The following RNF17 variants were observed in gnomAD, a reference collection of about 807,000 sequenced individuals.
RNF17 encodes spermatogenesis associated 23.
Under a neutral mutation model 200.5 loss-of-function variants are expected in RNF17, and 31 were observed. The ratio of observed to expected loss-of-function variants is 0.15; its 90% CI spans 0.12 to 0.21. The LOEUF (loss-of-function observed/expected upper bound fraction) is 0.21, where lower values mean the gene tolerates loss of function less well. RNF17 is among the 10% of genes least tolerant of loss of function. The pLI is 1.00. For missense variants in RNF17, 1,628 were observed against 1,905.1 expected (o/e 0.85, Z 2.71); for synonymous variants, 606 against 637.8 (o/e 0.95, Z 0.75).
chr13:24,770,408 TA>T (rs1301900337), intron 2 of RNF17, among the ~76,000 whole-genome samples: 5 of 152,190 alleles, frequency 3.3e-5, no homozygotes, highest in African/African-American at 1.2e-4. Context: ...TAAAATCTTT[TA>T]AATTAGTTGT....
intron 6 of RNF17, among the ~76,000 whole-genome samples, chr13:24,787,501 G>A (rs1883271922): frequency 6.6e-6 from 1 of 152,132 alleles, no homozygotes; most frequent in Admixed American, 6.5e-5. Flanking sequence ...GGTTGTGTGT[G>A]CCCTGAGCCT....
intron 15 of RNF17, among the ~76,000 whole-genome samples, chr13:24,816,680 C>T (rs1489316690): frequency 6.6e-6 from 1 of 152,202 alleles, no homozygotes; most frequent in Non-Finnish European, 1.5e-5. Flanking sequence ...CTGTGTCTCA[C>T]CTGACTGACA....
chr13:24,778,181 G>C (rs1881834492), intron 3 of RNF17, 114 bp from the exon 4 acceptor site: 4 of 650,304 alleles, frequency 6.2e-6, no homozygotes, highest in East Asian at 2.9e-5. Flanking sequence ...ATGATCGCTG[G>C]AGCCTGGGAA....
downstream of RNF17, chr13:24,884,321 A>G: frequency 6.2e-7 from 1 of 1,614,106 alleles, no homozygotes; most frequent in Non-Finnish European, 8.5e-7. Flanking sequence ...CTGGAAACAT[A>G]CCACTCTTTG....
chr13:24,871,464 A>G (rs1894241031), intron 32 of RNF17, among the ~76,000 whole-genome samples: 2 of 152,022 alleles, frequency 1.3e-5, no homozygotes, highest in East Asian at 1.9e-4. Flanking sequence ...CAGCCTCCCA[A>G]GTAGTTGGGA....
In RNF17 at chr13:24,870,664, G is replaced by A. The variant is rs772000992; in HGVS notation, c.4372G>A (p.Glu1458Lys). The A allele has an allele frequency of 2.5e-6, 4 of 1,614,166 alleles. No individual in the cohort carries two copies. The highest frequency in any genetic ancestry group is 2.2e-5 in the East Asian group (1 of 44,892). The change falls in exon 32 of 36, where the codon GAG becomes AAG. Residue 1458 changes from glutamate (E) to lysine (K), a missense_variant. This residue lies in a region of RNF17 where 609 missense variants were observed against 681.9 expected (regional missense o/e 0.89). Coordinates refer to ENST00000255324, the MANE Select transcript of RNF17 (RefSeq NM_031277.3). ...TGGAGTCAGCGGGGAATCAGAATCC[G>A]AGAGCCTTGATGAAGCACTGCAGAG... ...DSGVSGESESESLDEALQRVN... is the reference protein window; with the variant it reads ...DSGVSGESESKSLDEALQRVN...
chr13:24,864,605 A>G (rs1893436487), intron 28 of RNF17, among the ~76,000 whole-genome samples: 1 of 152,186 alleles, frequency 6.6e-6, no homozygotes, highest in South Asian at 2.1e-4. Flanking sequence ...GTATTTGGGA[A>G]TTGGAATTAT....
At chr13:24,853,006 T>C (rs1164021971) in intron 24 of RNF17, among the ~76,000 whole-genome samples, 6 of 152,216 alleles carry the variant, frequency 3.9e-5, no homozygotes, top group African/African-American at 1.2e-4. Context: ...CTCTGGCTCC[T>C]GGGTTCAAGC....
upstream of RNF17, among the ~76,000 whole-genome samples, chr13:24,759,230 G>C (rs142156304): frequency 9.1e-4 from 139 of 152,218 alleles, no homozygotes; most frequent in African/African-American, 3.2e-3. Flanking sequence ...AAGAGGTCAA[G>C]ACTGTAACTT....
At chr13:24,872,008 G>T (rs1358504513) in intron 32 of RNF17, among the ~76,000 whole-genome samples, 3 of 103,068 alleles carry the variant, frequency 2.9e-5, no homozygotes, top group Admixed American at 2.9e-4. Flanking sequence ...CACTCTTGTT[G>T]CCCAGGCTGG....
chr13:24,851,613 G>C (rs1273701706), intron 24 of RNF17, 42 bp downstream of exon 24: 1 of 1,189,152 alleles, frequency 8.4e-7, no homozygotes, highest in Non-Finnish European at 1.2e-6. Flanking sequence ...GTTTGTGATG[G>C]ATGCCTCAGT....
At chr13:24,804,016 A>G (rs973998428) in intron 14 of RNF17, 6 of 348,518 alleles carry the variant, frequency 1.7e-5, no homozygotes, top group African/African-American at 1.3e-4. Flanking sequence ...TTACACTTGT[A>G]TCCCAGCACT....
intron 12 of RNF17, among the ~76,000 whole-genome samples, chr13:24,799,891 A>G (rs1885036553): frequency 6.6e-6 from 1 of 152,176 alleles, no homozygotes; most frequent in Non-Finnish European, 1.5e-5. Flanking sequence ...CAGATGATTG[A>G]GTTAAATTTT....
intron 4 of RNF17, 57 bp downstream of exon 4, chr13:24,778,463 A>G: frequency 9.1e-7 from 1 of 1,096,864 alleles, no homozygotes. Context: ...CTTTGTCTCT[A>G]GTAGCTCAAC....
chr13:24,864,240 G>A (rs1297581951), intron 28 of RNF17, among the ~76,000 whole-genome samples: 1 of 152,180 alleles, frequency 6.6e-6, no homozygotes, highest in Non-Finnish European at 1.5e-5. Context: ...GGACTGCATT[G>A]GCAGAAGAGG....
intron 16 of RNF17, among the ~76,000 whole-genome samples, 166 bp from the exon 17 acceptor site, chr13:24,830,318 T>A (rs140285334): frequency 7.2e-5 from 11 of 152,302 alleles, no homozygotes; most frequent in Admixed American, 7.2e-4. Flanking sequence ...GCACTATGGA[T>A]GATTTCGGGG....
At chr13:24,856,543 G>A (rs1277803136) in intron 25 of RNF17, among the ~76,000 whole-genome samples, 1 of 151,902 alleles carries the variant, frequency 6.6e-6, no homozygotes, top group East Asian at 1.9e-4. Flanking sequence ...TCCCAGAATT[G>A]ATTTTTCAGT....
intron 19 of RNF17, among the ~76,000 whole-genome samples, chr13:24,843,015 T>C (rs1162711750): frequency 1.3e-5 from 2 of 151,070 alleles, no homozygotes; most frequent in African/African-American, 4.9e-5. Flanking sequence ...AGAAAGCCAG[T>C]ATTCAGATAG....
At chr13:24,862,900 A>C in intron 28 of RNF17, 107 bp downstream of exon 28, 1 of 567,642 alleles carries the variant, frequency 1.8e-6, no homozygotes, top group South Asian at 2.8e-5. Flanking sequence ...ATACCTTCTT[A>C]TGTGAATTGC....
Sources: gnomAD v4.1 joint callset for allele counts (sites outside exome capture counted in the v4.1 genomes callset) on GRCh38, gnomAD v4.1.1 for gene constraint, gnomAD v4.1.1 regional missense constraint, MANE v1.5 for transcripts, NCBI Gene and HGNC (gene_info 2026-07-23, HGNC 2026-07-21) for gene names.